Variants in CACNA1C observed in about 807,000 individuals in gnomAD.
The protein encoded by CACNA1C is calcium voltage-gated channel subunit alpha1 C.
CACNA1C carries 30 observed loss-of-function variants against 229.0 expected under a neutral mutation model. The observed-to-expected ratio is 0.13, with a 90% CI of 0.10 to 0.18. The LOEUF is 0.18. Ranked by LOEUF, CACNA1C falls within the 10% of genes least tolerant of loss-of-function variation. The probability of loss-of-function intolerance (pLI) is 1.00; values close to 1 mark genes in which losing one functional copy is unlikely to be tolerated. For synonymous variants in CACNA1C, 1,114 were observed against 1,132.5 expected (o/e 0.98, Z 0.33); for missense variants, 1,658 against 2,845.0 (o/e 0.58, Z 9.49).
rs755043734 is a variant in CACNA1C, at chr12:2,593,288, A to G, written c.2606A>G (p.Glu869Gly). The change falls in exon 19 of 47, where the codon GAA becomes GGA. Residue 869 changes from glutamate to glycine, a missense_variant. This residue lies in a region of CACNA1C where 121 missense variants were observed against 128.8 expected (regional missense o/e 0.94). Transcript: ENST00000399655. ...CCACTCTCTGAGCTTCACCTTAAGG[A>G]AAAGGCAGTGCCCATGCCAGAAGCC... The part of the protein sequence containing the change: ...PRPLSELHLK[E>G]KAVPMPEASA... 1.2e-6 allele frequency: 2 copies of G among 1,613,598 alleles called. No homozygotes were observed. Among genetic ancestry groups the G allele is most frequent in the Admixed American group, 1.7e-5 (1 of 59,990 alleles).
In CACNA1C at chr12:2,247,917, G is replaced by C. The variant is rs537944446; in HGVS notation, c.477+127487G>C. On this transcript the variant is annotated intron_variant, in intron 3 of 46. Transcript: ENST00000399655. The stretch of plus-strand genomic sequence containing the variant: ...AAAAGGTGCTGTGGCCACTGCAGAG[G>C]GGGGACAGGTGGCTGAGAACCTTTG... 2.1e-3 allele frequency among the ~76,000 whole-genome samples: 324 copies of C among 152,268 alleles called. 1 individual carries two copies. The highest frequency in any genetic ancestry group is 7.6e-3 in the African/African-American group (314 of 41,548).
At chr12:2,478,775 C>T (rs1331614551) in intron 5 of CACNA1C, among the ~76,000 whole-genome samples, 1 of 152,182 alleles carries the variant, frequency 6.6e-6, no homozygotes, top group Non-Finnish European at 1.5e-5. Flanking sequence ...CCAAGGGTCC[C>T]TCTTCTTCAA....
intron 3 of CACNA1C, among the ~76,000 whole-genome samples, chr12:2,424,344 A>G (rs2099008439): frequency 6.6e-6 from 1 of 152,168 alleles, no homozygotes. Context: ...AAGCGGGGAG[A>G]GGAAAAGTCA....
Position 2,446,682 on chromosome 12 carries a change from T to C in CACNA1C, c.478-2294T>C, listed in dbSNP as rs115942563. ...ATGGGTAGAAAGATAGATGAATGGA[T>C]GGGTGAATGGGTGGATAGATGGATT... On this transcript the variant is annotated intron_variant, in intron 3 of 46. Coordinates refer to ENST00000399655, the MANE Select transcript of CACNA1C (RefSeq NM_000719.7). Among the ~76,000 whole-genome samples, 494 of 147,268 alleles carry C rather than the reference T, an allele frequency of 3.4e-3. 2 individuals are homozygous for C. Among genetic ancestry groups the C allele is most frequent in the African/African-American group, 0.011 (445 of 39,394 alleles).
intron 1 of CACNA1C, among the ~76,000 whole-genome samples, chr12:2,059,762 G>T (rs1366673996): frequency 1.3e-5 from 2 of 152,162 alleles, no homozygotes; most frequent in African/African-American, 4.8e-5. Flanking sequence ...GAAAACAGAG[G>T]CCCCTAAAGG....
At chr12:2,122,962 A>G (rs770970802) in intron 3 of CACNA1C, among the ~76,000 whole-genome samples, 11 of 152,236 alleles carry the variant, frequency 7.2e-5, no homozygotes, top group Non-Finnish European at 1.5e-4. Flanking sequence ...GGGGATGCGC[A>G]TCAAAAAATT....
At position 2,608,064 on chromosome 12, in the gene CACNA1C, G is replaced by A. The variant is rs2076147179; in HGVS notation, c.3357-447G>A. 6.3e-6 allele frequency: 1 copy of A among 158,882 alleles called. No homozygotes were observed. The highest frequency in any genetic ancestry group is 6.1e-5 in the Admixed American group (1 of 16,370). The allele number at this position is 158,882 out of a possible 1,614,324, so 9.8% of individuals were successfully genotyped here. On this transcript the variant is annotated intron_variant, in intron 26 of 46. Coordinates refer to ENST00000399655, the MANE Select transcript of CACNA1C (RefSeq NM_000719.7). This position sits in a 1 kb window ranked among gnomAD's most constrained non-coding sequence, Gnocchi z 4.2. ...TGATGATCGGAGTAGCATGGGTCAT[G>A]TGAGTGTTTTTATCTAAGTGGATAT...
chr12:2,256,089 A>ACGATCCTGACCTTACTAGTTTACAAT (rs1600946534), intron 3 of CACNA1C, among the ~76,000 whole-genome samples: 2 of 152,238 alleles, frequency 1.3e-5, no homozygotes, highest in Non-Finnish European at 2.9e-5. Context: ...TTACAATCAC[A>ACGATCCTGACCTTACTAGTTTACAAT]CCTCCTGTTT....
chr12:2,120,938 T>A (rs888218461), intron 3 of CACNA1C, among the ~76,000 whole-genome samples: 3 of 152,166 alleles, frequency 2.0e-5, no homozygotes, highest in Non-Finnish European at 2.9e-5. Context: ...GGCCTTATTT[T>A]ATTGGGAAAG....
chr12:1,991,016 A>G (rs1174507969), intron 1 of CACNA1C: 2 of 413,972 alleles, frequency 4.8e-6, no homozygotes, highest in African/African-American at 2.1e-5. Context: ...TGAATCCAGA[A>G]AAGTAAATAG....
Position 2,693,401 on chromosome 12 carries a change from TAAAATTA to T in CACNA1C, c.*2205_*2211del, listed in dbSNP as rs1291342936. 2 of 152,162 alleles carry T rather than the reference TAAAATTA, an allele frequency of 1.3e-5. No homozygotes were observed. The highest frequency in any genetic ancestry group is 2.9e-5 in the Non-Finnish European group (2 of 68,034). The allele number at this position is 152,162 out of a possible 1,614,324, so 9.4% of individuals were successfully genotyped here. ...GGAAAGTGTACACTAACCGGGAGGA[TAAAATTA>T]AAGTCAGGCTGCTTGGAGGGAGGGG... On this transcript the variant is annotated 3_prime_UTR_variant, in exon 47 of 47. Transcript: ENST00000399655.
intron 29 of CACNA1C, among the ~76,000 whole-genome samples, chr12:2,616,489 G>A (rs1276332584): frequency 6.6e-6 from 1 of 152,162 alleles, no homozygotes; most frequent in Non-Finnish European, 1.5e-5. Flanking sequence ...CCAGCCAGTG[G>A]CAGCTGCAAG....
intron 29 of CACNA1C, among the ~76,000 whole-genome samples, chr12:2,625,102 C>T (rs1024169005): frequency 4.2e-4 from 64 of 152,198 alleles, no homozygotes; most frequent in African/African-American, 1.5e-3. Flanking sequence ...GCTCCCCCCG[C>T]CCCCCATGGC....
At chr12:2,021,717 G>T (rs1424974803) in intron 1 of CACNA1C, among the ~76,000 whole-genome samples, 1 of 152,104 alleles carries the variant, frequency 6.6e-6, no homozygotes, top group Admixed American at 6.5e-5. Context: ...CAGTTCTGGA[G>T]GCTGGGAAGT....
At chr12:2,105,208 G>C (rs561103310) in intron 1 of CACNA1C, among the ~76,000 whole-genome samples, 10 of 152,310 alleles carry the variant, frequency 6.6e-5, no homozygotes, top group African/African-American at 2.2e-4. Flanking sequence ...CCATTGGCTT[G>C]GGCCTCTGAA....
rs1414870926 is a variant in CACNA1C, at chr12:2,653,044, A to C, written c.4075-791A>C. 6.6e-6 allele frequency among the ~76,000 whole-genome samples: 1 copy of C among 152,196 alleles called. No homozygotes were observed. Among genetic ancestry groups the C allele is most frequent in the African/African-American group, 2.4e-5 (1 of 41,452 alleles). ...GGCCACGGCTGAAGCGGCGCCCGGGAACACGGGCTGGGCCTCCCATCCTGG... is the reference window on the plus strand; with the variant it reads ...GGCCACGGCTGAAGCGGCGCCCGGGCACACGGGCTGGGCCTCCCATCCTGG... On this transcript the variant is annotated intron_variant, in intron 32 of 46. Coordinates refer to ENST00000399655, the MANE Select transcript of CACNA1C (RefSeq NM_000719.7). This position sits in a 1 kb window ranked among gnomAD's most constrained non-coding sequence, Gnocchi z 4.7.
chr12:2,511,542 C>T lies in CACNA1C; in HGVS notation c.1218-1270C>T, dbSNP rs1384929062. 2.0e-5 allele frequency among the ~76,000 whole-genome samples: 3 copies of T among 151,788 alleles called. No individual in the cohort carries two copies. The East Asian group carries it at 5.8e-4, about 29-fold the overall frequency. On this transcript the variant is annotated intron_variant, in intron 8 of 46. Transcript: ENST00000399655. ...GTGAGAGAGGAAGACATCATGGCTC[C>T]AAGAATTAACCAAGATGTCCTATGC...
In CACNA1C at chr12:1,989,635, C is replaced by G. The variant is rs567318552; in HGVS notation, c.139+18434C>G. On this transcript the variant is annotated intron_variant, in intron 1 of 46. Coordinates refer to the CACNA1C transcript ENST00000682462. ...GGCTGAGGCAGGAGAATTGCTTGAA[C>G]TTGGGAGGTGGAGGCTGCAATAAGC... Among the ~76,000 whole-genome samples the G allele has an allele frequency of 8.5e-5, 13 of 152,320 alleles. No homozygotes were observed. In the South Asian group the frequency reaches 2.7e-3, roughly 32 times the overall value.
chr12:2,671,919 G>A (rs190896928), intron 38 of CACNA1C, among the ~76,000 whole-genome samples: 2 of 149,784 alleles, frequency 1.3e-5, no homozygotes, highest in East Asian at 1.9e-4. Context: ...TGTTAAAATC[G>A]AAACGCCCCC....
Sources: gnomAD v4.1 joint callset for allele counts (sites outside exome capture counted in the v4.1 genomes callset) on GRCh38, gnomAD v4.1.1 for gene constraint, gnomAD v4.1.1 regional missense constraint, Gnocchi (gnomAD v3.1) non-coding constraint, MANE v1.5 for transcripts, NCBI Gene and HGNC (gene_info 2026-07-23, HGNC 2026-07-21) for gene names.